CDH18: variants seen among roughly 807,000 people sequenced by gnomAD.
CDH18 encodes the protein cadherin-18.
CDH18 carries 31 observed loss-of-function variants against 67.9 expected under a neutral mutation model. That is an observed-to-expected ratio of 0.46 (90% CI 0.34 to 0.62). CDH18 has a LOEUF of 0.62. Ranked by LOEUF, CDH18 falls within the 20% of genes least tolerant of loss-of-function variation. The pLI, the probability that CDH18 is intolerant of heterozygous loss-of-function variation, is 0.01. For synonymous variants in CDH18, 362 were observed against 347.2 expected (o/e 1.04, Z -0.48); for missense variants, 890 against 975.5 (o/e 0.91, Z 1.17).
At chr5:19,853,759 G>A (rs1336956396) in intron 2 of CDH18, among the ~76,000 whole-genome samples, 1 of 152,010 alleles carries the variant, frequency 6.6e-6, no homozygotes, top group Non-Finnish European at 1.5e-5. Context: ...ACCAGAGGAG[G>A]CAAGATTGCA....
intron 8 of CDH18, among the ~76,000 whole-genome samples, chr5:19,553,863 A>G (rs566563944): frequency 1.4e-4 from 22 of 151,938 alleles, no homozygotes; most frequent in African/African-American, 5.1e-4. Flanking sequence ...TGAACTCCTG[A>G]GCTCAAATGA....
At chr5:20,379,634 A>G (rs945103473) in intron 1 of CDH18, among the ~76,000 whole-genome samples, 5 of 152,164 alleles carry the variant, frequency 3.3e-5, no homozygotes, top group Admixed American at 6.5e-5. Context: ...ATATATAAGT[A>G]TATATTTAGA....
In CDH18 at chr5:20,296,551, G is replaced by A. The variant is rs944783502; in HGVS notation, c.-579-41046C>T. ...GCTGGGATTACAGGCGTGAGCCACC[G>A]CCCCCGGCCCACTAAGTTTTTATAG... On this transcript the variant is annotated intron_variant, in intron 1 of 14. Transcript: ENST00000507958. Among the ~76,000 whole-genome samples the A allele has an allele frequency of 1.6e-4, 24 of 152,072 alleles. No homozygotes were observed. In the Middle Eastern group the frequency reaches 0.01, roughly 65 times the overall value.
intron 1 of CDH18, among the ~76,000 whole-genome samples, chr5:20,272,761 A>T (rs1443293764): frequency 6.6e-6 from 1 of 152,042 alleles, no homozygotes; most frequent in African/African-American, 2.4e-5. Context: ...TCTGTACCTC[A>T]GTTAAAACCA....
chr5:20,428,975 T>A (rs1302792072), intron 1 of CDH18, among the ~76,000 whole-genome samples: 1 of 152,176 alleles, frequency 6.6e-6, no homozygotes, highest in East Asian at 1.9e-4. Context: ...GAAGATATAA[T>A]CTTCTATCAT....
At chr5:20,252,762 C>T (rs1273091945) in intron 2 of CDH18, among the ~76,000 whole-genome samples, 1 of 151,832 alleles carries the variant, frequency 6.6e-6, no homozygotes, top group Non-Finnish European at 1.5e-5. Context: ...ATGGTGAAAC[C>T]CCGTCTCTAC....
At chr5:20,364,319 G>C (rs1039587837) in intron 1 of CDH18, among the ~76,000 whole-genome samples, 1 of 148,052 alleles carries the variant, frequency 6.8e-6, no homozygotes, top group Non-Finnish European at 1.5e-5. Context: ...ACCTAAAAAG[G>C]TTTACATAAA....
At chr5:19,631,764 T>C (rs1580602543) in intron 5 of CDH18, among the ~76,000 whole-genome samples, 1 of 152,192 alleles carries the variant, frequency 6.6e-6, no homozygotes, top group Non-Finnish European at 1.5e-5. Context: ...TTGGCATTTA[T>C]ATGTGTAATG....
intron 2 of CDH18, among the ~76,000 whole-genome samples, chr5:20,193,529 C>T (rs574775266): frequency 1.3e-5 from 2 of 152,206 alleles, no homozygotes; most frequent in African/African-American, 2.4e-5. Flanking sequence ...GATACCAGTC[C>T]TTCTGAAACT....
chr5:20,483,580 A>G (rs1048065839), intron 1 of CDH18, among the ~76,000 whole-genome samples: 10 of 152,012 alleles, frequency 6.6e-5, no homozygotes, highest in Admixed American at 6.6e-4. Flanking sequence ...AGACACATAA[A>G]TCAATGAATC....
Position 19,531,609 on chromosome 5 carries a change from T to TCACACACACA in CDH18, c.1391-10841_1391-10832dup, listed in dbSNP as rs10552517. Among the ~76,000 whole-genome samples, 39 of 148,812 alleles carry TCACACACACA rather than the reference T, an allele frequency of 2.6e-4. No homozygotes were observed. In the South Asian group the frequency reaches 3.9e-3, roughly 15 times the overall value. ...CCAAGACAAGTTAAAATGTGTGTTC[T>TCACACACACA]CACACACACACACACACACACACAC... On this transcript the variant is annotated intron_variant, in intron 9 of 12. Transcript: ENST00000382275.
intron 3 of CDH18, among the ~76,000 whole-genome samples, chr5:19,777,975 A>C (rs1172692404): frequency 6.6e-6 from 1 of 152,174 alleles, no homozygotes; most frequent in East Asian, 1.9e-4. Context: ...TATGCTAATA[A>C]ATTCAACAAA....
At chr5:19,889,881 C>T (rs919691123) in intron 2 of CDH18, among the ~76,000 whole-genome samples, 1 of 152,108 alleles carries the variant, frequency 6.6e-6, no homozygotes, top group Non-Finnish European at 1.5e-5. Flanking sequence ...AAGAGAATTA[C>T]ATGCGATATC....
intron 3 of CDH18, among the ~76,000 whole-genome samples, chr5:19,756,814 T>C (rs953464206): frequency 4.6e-5 from 7 of 152,162 alleles, no homozygotes; most frequent in Non-Finnish European, 7.3e-5. Context: ...GAAGCAAATA[T>C]TTTGCTAGTG....
chr5:20,184,909 A>T (rs1737973022), intron 2 of CDH18, among the ~76,000 whole-genome samples: 1 of 152,062 alleles, frequency 6.6e-6, no homozygotes, highest in Non-Finnish European at 1.5e-5. Context: ...TTACCTTATT[A>T]AAATAAGCCT....
At chr5:19,493,428 G>A (rs11951215) in intron 11 of CDH18, among the ~76,000 whole-genome samples, 48,343 of 151,890 alleles carry the variant, frequency 0.32, 7,815 homozygotes, top group South Asian at 0.41. Flanking sequence ...GAAGAAAGGC[G>A]TTCTTTCCAA....
intron 1 of CDH18, among the ~76,000 whole-genome samples, chr5:20,432,007 G>A (rs1003465447): frequency 6.6e-6 from 1 of 152,008 alleles, no homozygotes; most frequent in African/African-American, 2.4e-5. Context: ...AAATGAAATG[G>A]ATTACTCCAA....
At chr5:19,520,613 C>T in intron 10 of CDH18, 44 bp downstream of exon 10, 1 of 1,566,474 alleles carries the variant, frequency 6.4e-7, no homozygotes, top group Non-Finnish European at 8.6e-7. Context: ...AAGGCGCTTG[C>T]ATTTATTCCA....
intron 4 of CDH18, among the ~76,000 whole-genome samples, chr5:19,722,559 C>T (rs775005102): frequency 2.1e-4 from 32 of 150,166 alleles, no homozygotes; most frequent in Admixed American, 4.0e-4. Context: ...ATTAGATACA[C>T]CTATATAATA....
Sources: gnomAD v4.1 joint callset for allele counts (sites outside exome capture counted in the v4.1 genomes callset) on GRCh38, gnomAD v4.1.1 for gene constraint, MANE v1.5 for transcripts, NCBI Gene and HGNC (gene_info 2026-07-23, HGNC 2026-07-21) for gene names.